Variants in NDST3 observed in about 807,000 individuals in gnomAD.
NDST3 encodes the protein N-deacetylase and N-sulfotransferase 3, also known as bifunctional heparan sulfate N-deacetylase/N-sulfotransferase 3.
Under a neutral mutation model 96.1 loss-of-function variants are expected in NDST3, and 58 were observed. The observed-to-expected ratio is 0.60, with a 90% CI of 0.49 to 0.75. The LOEUF is 0.75. NDST3 is among the 30% of genes least tolerant of loss of function. The pLI is 0.00. For missense variants in NDST3, 788 were observed against 1,034.2 expected (o/e 0.76, Z 3.27); for synonymous variants, 333 against 359.7 (o/e 0.93, Z 0.84).
chr4:118,054,058 G>A lies in NDST3; in HGVS notation c.148G>A (p.Val50Ile), dbSNP rs1233121542. 1 of 1,613,002 alleles carries A rather than the reference G, an allele frequency of 6.2e-7. No homozygotes were observed. Among genetic ancestry groups the A allele is most frequent in the Non-Finnish European group, 8.5e-7 (1 of 1,179,306 alleles). ...TGAACTCTCTGAGACGGCTTCAGAA[G>A]TTGACTGTGGCGACCTCCAACACCT... ...ENELSETASE[V>I]DCGDLQHLPY... is the part of the protein sequence containing the mutation. The change falls in exon 2 of 14, where the codon GTT (valine) becomes ATT (isoleucine). Residue 50 changes from valine to isoleucine, a missense_variant. Physicochemically the swap from Val to Ile is conservative, Grantham distance 29 (BLOSUM62 3). Around this residue, in one of 3 missense-constraint regions of NDST3, gnomAD observed 234 missense variants for 256.9 expected, o/e 0.91. Transcript: ENST00000296499.
rs1735666202 is a variant in NDST3 at position 118,167,877 on chromosome 4, A to C, written c.1539+24193A>C. Reference sequence around the variant, plus strand: ...ATTCACATATAAAAAATTAAAATGGACCCTTATCATACACCATACACAAAA... The same window carrying C: ...ATTCACATATAAAAAATTAAAATGGCCCCTTATCATACACCATACACAAAA... On this transcript the variant is annotated intron_variant, in intron 6 of 13. Coordinates refer to ENST00000296499, the MANE Select transcript of NDST3 (RefSeq NM_004784.3). 2.0e-5 allele frequency among the ~76,000 whole-genome samples: 3 copies of C among 151,906 alleles called. No homozygotes were observed. The South Asian group carries it at 6.2e-4, about 32-fold the overall frequency.
At chr4:118,059,869 A>G (rs1393414575) in intron 2 of NDST3, among the ~76,000 whole-genome samples, 1 of 152,062 alleles carries the variant, frequency 6.6e-6, no homozygotes, top group Non-Finnish European at 1.5e-5. Context: ...TTTCTCCTAA[A>G]CTCATATTTC....
intron 12 of NDST3, 125 bp downstream of exon 12, chr4:118,242,274 C>T (rs1741054926): frequency 7.2e-6 from 4 of 558,526 alleles, no homozygotes; most frequent in African/African-American, 1.9e-5. Flanking sequence ...TTCAATTTGA[C>T]ATTAACCACG....
chr4:118,118,003 G>A (rs757811815), intron 4 of NDST3, among the ~76,000 whole-genome samples: 11 of 152,142 alleles, frequency 7.2e-5, no homozygotes, highest in South Asian at 2.1e-4. Context: ...GGAGGGGGTC[G>A]AAGGGGTAGG....
intron 2 of NDST3, among the ~76,000 whole-genome samples, chr4:118,097,794 A>G (rs796177694): frequency 2.6e-5 from 4 of 152,004 alleles, no homozygotes; most frequent in African/African-American, 9.6e-5. Flanking sequence ...AGTGTTCTAC[A>G]ATGGCCATTT....
chr4:118,194,481 T>C, intron 6 of NDST3: 2 of 724,306 alleles, frequency 2.8e-6, no homozygotes, highest in South Asian at 1.4e-5. Flanking sequence ...GCTATGGCAA[T>C]GTCCCAAGCC....
chr4:118,169,972 C>G (rs538896879), intron 6 of NDST3, among the ~76,000 whole-genome samples: 1 of 152,160 alleles, frequency 6.6e-6, no homozygotes, highest in South Asian at 2.1e-4. Context: ...TACCGGGGGG[C>G]TTATCTGGGT....
chr4:118,228,742 C>T (rs974407638), intron 8 of NDST3, among the ~76,000 whole-genome samples: 1 of 151,958 alleles, frequency 6.6e-6, no homozygotes, highest in East Asian at 1.9e-4. Flanking sequence ...TGCAGTCTAT[C>T]CCCCCCGATC....
At chr4:118,208,003 C>T (rs1327217260) in intron 6 of NDST3, among the ~76,000 whole-genome samples, 1 of 143,796 alleles carries the variant, frequency 7.0e-6, no homozygotes, top group Non-Finnish European at 1.5e-5. Flanking sequence ...ATTTATAAAC[C>T]CTAGTTCTTT....
chr4:118,169,746 A>T (rs1735805058), intron 6 of NDST3, among the ~76,000 whole-genome samples: 1 of 151,490 alleles, frequency 6.6e-6, no homozygotes, highest in Non-Finnish European at 1.5e-5. Context: ...GTCAGCCAAG[A>T]TCAGGCCACT....
chr4:118,198,944 T>A (rs1346843469), intron 6 of NDST3, among the ~76,000 whole-genome samples: 1 of 152,136 alleles, frequency 6.6e-6, no homozygotes, highest in African/African-American at 2.4e-5. Flanking sequence ...GGAGCTCCAT[T>A]ATTTGTTTCT....
intron 6 of NDST3, among the ~76,000 whole-genome samples, chr4:118,212,745 A>G (rs1738887561): frequency 6.6e-6 from 1 of 152,184 alleles, no homozygotes; most frequent in African/African-American, 2.4e-5. Flanking sequence ...ACATGAGGAA[A>G]GAACCAAATG....
At chr4:118,094,835 A>G (rs1474746306) in intron 2 of NDST3, among the ~76,000 whole-genome samples, 1 of 151,874 alleles carries the variant, frequency 6.6e-6, no homozygotes, top group African/African-American at 2.4e-5. Flanking sequence ...AAATAAAGGT[A>G]CACCAATAGT....
At chr4:118,175,736 A>G (rs1403172618) in intron 6 of NDST3, among the ~76,000 whole-genome samples, 1 of 152,162 alleles carries the variant, frequency 6.6e-6, no homozygotes, top group African/African-American at 2.4e-5. Flanking sequence ...TCCTGAGGGC[A>G]TGCAGACATA....
chr4:118,191,338 GGA>G (rs1217444660), intron 6 of NDST3, among the ~76,000 whole-genome samples: 2 of 152,142 alleles, frequency 1.3e-5, no homozygotes, highest in African/African-American at 4.8e-5. Context: ...TCTTACAAAT[GGA>G]GATTTCCTTT....
chr4:118,218,362 T>C (rs948098666), intron 6 of NDST3, among the ~76,000 whole-genome samples: 2 of 152,164 alleles, frequency 1.3e-5, no homozygotes, highest in African/African-American at 4.8e-5. Context: ...GTTGGCTTCA[T>C]CCCTGGGATT....
At chr4:118,141,925 A>G (rs1476090824) in intron 5 of NDST3, among the ~76,000 whole-genome samples, 1 of 152,152 alleles carries the variant, frequency 6.6e-6, no homozygotes, top group African/African-American at 2.4e-5. Context: ...TTCCACTAGC[A>G]CTTAACTAAA....
chr4:118,213,151 C>A (rs1281156754), intron 6 of NDST3, among the ~76,000 whole-genome samples: 1 of 152,170 alleles, frequency 6.6e-6, no homozygotes, highest in Non-Finnish European at 1.5e-5. Context: ...CAGCAAGAAT[C>A]ATGCAAAATG....
chr4:118,224,192 G>A (rs1168522889), intron 6 of NDST3, among the ~76,000 whole-genome samples: 1 of 152,096 alleles, frequency 6.6e-6, no homozygotes. Flanking sequence ...TTGTTATTCA[G>A]CATCAGTCTT....
Sources: gnomAD v4.1 joint callset for allele counts (sites outside exome capture counted in the v4.1 genomes callset) on GRCh38, gnomAD v4.1.1 for gene constraint, gnomAD v4.1.1 regional missense constraint, MANE v1.5 for transcripts, NCBI Gene and HGNC (gene_info 2026-07-23, HGNC 2026-07-21) for gene names.